CERCAM: variants seen among roughly 807,000 people sequenced by gnomAD.
The protein encoded by CERCAM is cerebral endothelial cell adhesion molecule.
In CERCAM, 59 loss-of-function variants were observed where a neutral mutation model predicts 66.0. The observed-to-expected ratio is 0.89, with a 90% CI of 0.73 to 1.11. CERCAM has a LOEUF of 1.11. Ranked by LOEUF, CERCAM falls within the 50% of genes most tolerant of loss-of-function variation. CERCAM has a pLI of 0.00. For missense variants in CERCAM, 840 were observed against 828.3 expected, an observed-to-expected ratio of 1.01 and a Z score of -0.17; for synonymous variants, 318 against 343.6, an observed-to-expected ratio of 0.93 and a Z score of 0.83.
intron 3 of CERCAM, 111 bp downstream of exon 3, chr9:128,423,374 TG>T: frequency 1.1e-6 from 1 of 885,576 alleles, no homozygotes; most frequent in Non-Finnish European, 1.8e-6. Flanking sequence ...CCTAGCACTT[TG>T]GGAGGCCAAG....
At position 128,423,273 on chromosome 9, in the gene CERCAM, T is replaced by G; in HGVS notation, c.426+10T>G. On this transcript the variant is annotated intron_variant, in intron 3 of 12. Coordinates refer to ENST00000372838, the MANE Select transcript of CERCAM (RefSeq NM_016174.5). ...GGCCGACTATATCCTGGTGAGGAAG[T>G]CTGGCTAGAATCGGGCTTCTGAAAG... is the stretch of plus-strand genomic sequence containing the variant. 1.2e-6 allele frequency: 2 copies of G among 1,607,828 alleles called. No individual in the cohort carries two copies. The highest frequency in any genetic ancestry group is 1.7e-6 in the Non-Finnish European group (2 of 1,174,922).
At chr9:128,423,950 C>A in intron 3 of CERCAM, 188 bp from the exon 4 acceptor site, 1 of 651,074 alleles carries the variant, frequency 1.5e-6, no homozygotes, top group Non-Finnish European at 2.7e-6. Context: ...TGGACCCAGT[C>A]CCTGAGTCAG....
chr9:128,429,954 TAAAA>T (rs1793611694), intron 8 of CERCAM, among the ~76,000 whole-genome samples: 1 of 149,258 alleles, frequency 6.7e-6, no homozygotes, highest in South Asian at 2.1e-4. Context: ...ACACCCGGAT[TAAAA>T]AAAATGTTTT....
Position 128,434,562 on chromosome 9 carries a change from G to C in CERCAM, c.1484G>C (p.Arg495Pro). ...RKLLASQPLRRMLPVDEFLPI... is the reference protein window; with the variant it reads ...RKLLASQPLRPMLPVDEFLPI... ...CTGCTGGCCTCACAGCCTCTGCGCC[G>C]CATGCTGCCCGTGGACGAGTTCCTG... The change falls in exon 11 of 13, where the codon CGC (arginine) becomes CCC (proline). Residue 495 changes from arginine (R) to proline (P), a missense_variant. Arg to Pro is a moderately radical substitution (Grantham distance 103). Coordinates refer to ENST00000372838, the MANE Select transcript of CERCAM (RefSeq NM_016174.5). The surrounding 1 kb of genome is among the most constrained non-coding windows in gnomAD (Gnocchi z 4.5). 1 of 1,611,630 alleles carries C rather than the reference G, an allele frequency of 6.2e-7. No homozygotes were observed. Among genetic ancestry groups the C allele is most frequent in the Non-Finnish European group, 8.5e-7 (1 of 1,179,930 alleles).
chr9:128,423,048 G>A, intron 2 of CERCAM, 70 bp downstream of exon 2: 3 of 1,609,742 alleles, frequency 1.9e-6, no homozygotes, highest in Non-Finnish European at 1.7e-6. Context: ...AAAAGGGACA[G>A]CCCAGAGCCA....
chr9:128,426,232 A>G (rs1450432786), intron 5 of CERCAM, among the ~76,000 whole-genome samples: 1 of 150,826 alleles, frequency 6.6e-6, no homozygotes, highest in Non-Finnish European at 1.5e-5. Flanking sequence ...ACTGCAGTAA[A>G]CTGTGATCAT....
intron 8 of CERCAM, among the ~76,000 whole-genome samples, chr9:128,429,654 C>G (rs1213327578): frequency 6.6e-6 from 1 of 152,170 alleles, no homozygotes; most frequent in Non-Finnish European, 1.5e-5. Context: ...CCGTCTGTTG[C>G]CCAGGCTGGA....
At chr9:128,421,193 TC>T in intron 1 of CERCAM, 119 bp downstream of exon 1, 2 of 1,235,208 alleles carry the variant, frequency 1.6e-6, no homozygotes, top group Non-Finnish European at 1.0e-6. Context: ...GACAGGCCCC[TC>T]CCCTCACAGA....
At position 128,422,886 on chromosome 9, in the gene CERCAM, T is replaced by A; in HGVS notation, c.216T>A (p.Asn72Lys). ...RMALWCATDH[N>K]VDNTTEMLQE... ...TCCCCAGGTGTGCCACGGACCACAA[T>A]GTGGACAACACCACAGAGATGCTGC... Residue 72 changes from asparagine (N) to lysine (K), a missense_variant, in exon 2 of 13, where the codon AAT (asparagine) becomes AAA (lysine). By Grantham distance (94) the Asn-to-Lys change is moderately conservative. Coordinates refer to ENST00000372838, the MANE Select transcript of CERCAM (RefSeq NM_016174.5). 6.2e-7 allele frequency: 1 copy of A among 1,614,034 alleles called. No individual in the cohort carries two copies. Among genetic ancestry groups the A allele is most frequent in the Non-Finnish European group, 8.5e-7 (1 of 1,179,976 alleles).
rs750958202 is a variant in CERCAM, at chr9:128,424,228, TC to T, written c.520del (p.Gln174ArgfsTer97). The T allele has an allele frequency of 3.1e-6, 5 of 1,613,996 alleles. No individual in the cohort carries two copies. The Admixed American group carries it at 8.3e-5, about 27-fold the overall frequency. ...GLPVVAPMLD[S>X]QTYYSNFWCG... Reference sequence around the variant, plus strand: ...TCCAGTGGTGGCCCCAATGCTGGACTCCCAGACCTACTACTCCAACTTCTGG... The same window carrying T: ...TCCAGTGGTGGCCCCAATGCTGGACTCCAGACCTACTACTCCAACTTCTGG... On this transcript the variant is annotated frameshift_variant, in exon 4 of 13. Transcript: ENST00000372838. LOFTEE classifies it high-confidence loss of function.
At chr9:128,420,560 A>G (rs1833682384), upstream of CERCAM, 1 of 174,172 alleles carries the variant, frequency 5.7e-6, no homozygotes, top group Non-Finnish European at 1.2e-5. The surrounding 1 kb of genome is among the most constrained non-coding windows in gnomAD (Gnocchi z 5.0). Flanking sequence ...GCCGGCCCCG[A>G]CGCACTCGTC....
chr9:128,422,935 G>C lies in CERCAM; in HGVS notation c.265G>C (p.Asp89His). The change falls in exon 2 of 13, where the codon GAT becomes CAT. Residue 89 changes from aspartate (D) to histidine (H), a missense_variant. Transcript: ENST00000372838. ...GCAGGAGTGGCTGGCGGCTGTGGGC[G>C]ATGACTATGCTGCTGTGGTCTGGAG... Reference protein sequence around the residue: ...MLQEWLAAVGDDYAAVVWRPE... With the variant: ...MLQEWLAAVGHDYAAVVWRPE... The C allele has an allele frequency of 6.2e-7, 1 of 1,613,848 alleles. No individual in the cohort carries two copies. Among genetic ancestry groups the C allele is most frequent in the South Asian group, 1.1e-5 (1 of 91,060 alleles).
Position 128,420,918 on chromosome 9 carries a change from T to C in CERCAM, c.41T>C (p.Leu14Pro), listed in dbSNP as rs1482985236. 2 of 1,403,512 alleles carry C rather than the reference T, an allele frequency of 1.4e-6. No homozygotes were observed. The highest frequency in any genetic ancestry group is 1.9e-6 in the Non-Finnish European group (2 of 1,079,142). 86.9% of individuals were successfully genotyped at this position (1,403,512 alleles called of 1,614,324 possible). Residue 14 changes from leucine to proline, a missense_variant, in exon 1 of 13, where the codon CTC becomes CCC. Physicochemically the swap from Leu to Pro is moderately conservative, Grantham distance 98. Coordinates refer to ENST00000372838, the MANE Select transcript of CERCAM (RefSeq NM_016174.5). This position sits in a 1 kb window ranked among gnomAD's most constrained non-coding sequence, Gnocchi z 5.0. ...ARAAPLLQLL[L>P]LLGPWLEAAG... Reference sequence around the variant, plus strand: ...GCCGCGCCGCTGCTCCAGCTGCTGCTCCTGCTGGGGCCGTGGCTGGAGGCT... The same window carrying C: ...GCCGCGCCGCTGCTCCAGCTGCTGCCCCTGCTGGGGCCGTGGCTGGAGGCT...
intron 11 of CERCAM, 91 bp from the exon 12 acceptor site, chr9:128,435,562 T>C: frequency 7.0e-7 from 1 of 1,428,782 alleles, no homozygotes. Flanking sequence ...TGAGGTGCTT[T>C]GGGCAGGCAA....
At chr9:128,429,776 G>T (rs1833932373) in intron 8 of CERCAM, among the ~76,000 whole-genome samples, 1 of 151,672 alleles carries the variant, frequency 6.6e-6, no homozygotes, top group Non-Finnish European at 1.5e-5. Context: ...ATCACATCCA[G>T]CTAATTAAAA....
intron 9 of CERCAM, among the ~76,000 whole-genome samples, chr9:128,432,920 G>T (rs1834008412): frequency 6.6e-6 from 1 of 151,798 alleles, no homozygotes; most frequent in Non-Finnish European, 1.5e-5. Context: ...CAGATCACGA[G>T]GTCAGGAGTT....
rs1834127025 is a variant in CERCAM, at chr9:128,436,974, T to C, written c.*126T>C. ...TGGCCACCACCTTGGGCATGGCCAC[T>C]CTGCCCTCTGGACCTGTCTTTCATC... On this transcript the variant is annotated 3_prime_UTR_variant, in exon 13 of 13. Coordinates refer to ENST00000372838, the MANE Select transcript of CERCAM (RefSeq NM_016174.5). 6.6e-6 allele frequency: 1 copy of C among 152,262 alleles called. No homozygotes were observed. The highest frequency in any genetic ancestry group is 6.6e-5 in the Admixed American group (1 of 15,266). The allele number at this position is 152,262 out of a possible 1,614,324, so 9.4% of individuals were successfully genotyped here. A position where few individuals can be genotyped will look rare whatever the true frequency, so the allele number is the denominator to read the frequency against.
At chr9:128,436,540 G>A (rs555262448) in intron 12 of CERCAM, among the ~76,000 whole-genome samples, 5 of 152,016 alleles carry the variant, frequency 3.3e-5, no homozygotes, top group Admixed American at 2.6e-4. Context: ...GAGCCACCGC[G>A]CCTGGCCTTT....
chr9:128,433,240 C>T (rs1401880949), intron 9 of CERCAM, among the ~76,000 whole-genome samples: 1 of 142,504 alleles, frequency 7.0e-6, no homozygotes, highest in African/African-American at 2.7e-5. Context: ...GATTGTGCCA[C>T]TGCACTCCAG....
Sources: gnomAD v4.1 joint callset for allele counts (sites outside exome capture counted in the v4.1 genomes callset) on GRCh38, gnomAD v4.1.1 for gene constraint, Gnocchi (gnomAD v3.1) non-coding constraint, MANE v1.5 for transcripts, NCBI Gene and HGNC (gene_info 2026-07-23, HGNC 2026-07-21) for gene names.